The following ESCO2 variants were observed in gnomAD, a reference collection of about 807,000 sequenced individuals.
The protein encoded by ESCO2 is N-acetyltransferase ESCO2.
ESCO2 carries 51 observed loss-of-function variants against 61.7 expected under a neutral mutation model. The ratio of observed to expected loss-of-function variants is 0.83; its 90% CI spans 0.66 to 1.04. The LOEUF (loss-of-function observed/expected upper bound fraction) is 1.04, where lower values mean the gene tolerates loss of function less well. Among genes scored for constraint, ESCO2 ranks in the 50% least tolerant of loss-of-function variants. The pLI is 0.00. For synonymous variants in ESCO2, 230 were observed against 238.2 expected (o/e 0.97, Z 0.32); for missense variants, 692 against 686.2 (o/e 1.01, Z -0.09).
intron 9 of ESCO2, among the ~76,000 whole-genome samples, chr8:27,795,531 G>T (rs1037577477): frequency 6.6e-6 from 1 of 152,092 alleles, no homozygotes; most frequent in African/African-American, 2.4e-5. Context: ...CTCTGGCGAG[G>T]AATTCCAGAA....
At chr8:27,791,924 C>G (rs773369439) in intron 7 of ESCO2, 39 bp from the exon 8 acceptor site, 2 of 1,572,114 alleles carry the variant, frequency 1.3e-6, no homozygotes. Flanking sequence ...TTTTCCTCTT[C>G]ACAAATTAAA....
chr8:27,812,075 T>A (rs573601609), downstream of ESCO2: 5 of 152,304 alleles, frequency 3.3e-5, no homozygotes, highest in South Asian at 2.1e-4. Context: ...CTCCATTTTC[T>A]TGCCTTATTT....
At chr8:27,778,989 C>CA (rs1447592000) in intron 3 of ESCO2, 1 of 152,386 alleles carries the variant, frequency 6.6e-6, no homozygotes, top group Non-Finnish European at 1.5e-5. Flanking sequence ...GATCTCAACT[C>CA]ACTGCAACCT....
intron 5 of ESCO2, among the ~76,000 whole-genome samples, chr8:27,784,474 C>A (rs994867307): frequency 1.3e-5 from 2 of 152,126 alleles, no homozygotes; most frequent in African/African-American, 4.8e-5. Context: ...CATATCTGAA[C>A]CAAATGCCCA....
Position 27,776,911 on chromosome 8 carries a change from A to C in ESCO2, c.603A>C (p.Pro201=). The C allele has an allele frequency of 1.2e-6, 2 of 1,614,204 alleles. No homozygotes were observed. The highest frequency in any genetic ancestry group is 1.7e-6 in the Non-Finnish European group (2 of 1,180,032). Residue 201 remains proline, a synonymous_variant, in exon 3 of 11, where the codon CCA becomes CCC. Coordinates refer to ENST00000305188, the MANE Select transcript of ESCO2 (RefSeq NM_001017420.3). ...APRVLSQKIK[P]QVTLQGGAAF... The stretch of plus-strand genomic sequence containing the variant: ...GGGTTCTGAGCCAAAAAATAAAACC[A>C]CAAGTTACACTCCAGGGTGGAGCAG...
intron 7 of ESCO2, among the ~76,000 whole-genome samples, chr8:27,791,076 G>A (rs930732332): frequency 6.6e-6 from 1 of 151,904 alleles, no homozygotes; most frequent in Non-Finnish European, 1.5e-5. Context: ...TCAAACTAAT[G>A]CCATTTTCTC....
Position 27,804,537 on chromosome 8 carries a change from T to C in ESCO2, c.*1099T>C. 1 of 985,442 alleles carries C rather than the reference T, an allele frequency of 1.0e-6. No individual in the cohort carries two copies. The highest frequency in any genetic ancestry group is 1.2e-6 in the Non-Finnish European group (1 of 829,918). 61.0% of individuals were successfully genotyped at this position (985,442 alleles called of 1,614,324 possible). On this transcript the variant is annotated 3_prime_UTR_variant, in exon 11 of 11. Transcript: ENST00000305188. ...AAATACACTTAAATGTTCACACATT[T>C]TTCTAGTGTAATTCTTGGATACTTT...
downstream of ESCO2, among the ~76,000 whole-genome samples, chr8:27,807,460 C>T (rs982883630): frequency 6.6e-6 from 1 of 152,030 alleles, no homozygotes; most frequent in African/African-American, 2.4e-5. Context: ...TAAACCAAAC[C>T]CAATTTGGTC....
At position 27,803,789 on chromosome 8, in the gene ESCO2, C is replaced by G; in HGVS notation, c.*351C>G. Reference sequence around the variant, plus strand: ...TTTTTCTCTAGAAATGTGACCTGGTCTTTTATAAAGCCCACTCTTAGACCA... The same window carrying G: ...TTTTTCTCTAGAAATGTGACCTGGTGTTTTATAAAGCCCACTCTTAGACCA... On this transcript the variant is annotated 3_prime_UTR_variant, in exon 11 of 11. Coordinates refer to ENST00000305188, the MANE Select transcript of ESCO2 (RefSeq NM_001017420.3). 9.7e-7 allele frequency: 1 copy of G among 1,034,858 alleles called. No individual in the cohort carries two copies. The highest frequency in any genetic ancestry group is 1.2e-6 in the Non-Finnish European group (1 of 862,194). 64.1% of individuals were successfully genotyped at this position (1,034,858 alleles called of 1,614,324 possible).
chr8:27,817,086 G>A (rs916094365), downstream of ESCO2, among the ~76,000 whole-genome samples: 3 of 152,150 alleles, frequency 2.0e-5, no homozygotes, highest in African/African-American at 7.2e-5. Context: ...TATGCCTGGT[G>A]TAGTAGCTTT....
intron 10 of ESCO2, 30 bp downstream of exon 10, chr8:27,799,746 A>C: frequency 6.2e-7 from 1 of 1,611,782 alleles, no homozygotes; most frequent in Non-Finnish European, 8.5e-7. Context: ...TAGATCCAGA[A>C]CCTTAGATTC....
chr8:27,810,082 A>T, downstream of ESCO2: 2 of 506,066 alleles, frequency 4.0e-6, no homozygotes, highest in Non-Finnish European at 6.9e-6. Flanking sequence ...CAAAGTACTT[A>T]TGTAGCTAGT....
upstream of ESCO2, among the ~76,000 whole-genome samples, chr8:27,773,046 A>G (rs886167086): frequency 6.6e-6 from 1 of 152,158 alleles, no homozygotes; most frequent in Non-Finnish European, 1.5e-5. Context: ...TAAAGTAGGA[A>G]TAATCATATT....
chr8:27,804,562 T>A lies in ESCO2; in HGVS notation c.*1124T>A. 5 of 985,450 alleles carry A rather than the reference T, an allele frequency of 5.1e-6. No individual in the cohort carries two copies. Among genetic ancestry groups the A allele is most frequent in the Non-Finnish European group, 6.0e-6 (5 of 829,920 alleles). 61.0% of individuals were successfully genotyped at this position (985,450 alleles called of 1,614,324 possible). On this transcript the variant is annotated 3_prime_UTR_variant, in exon 11 of 11. Transcript: ENST00000305188. ...TTTCTAGTGTAATTCTTGGATACTTTAAAAAGCAAAACATTGTTCAAATTG... is the reference window on the plus strand; with the variant it reads ...TTTCTAGTGTAATTCTTGGATACTTAAAAAAGCAAAACATTGTTCAAATTG...
At position 27,792,011 on chromosome 8, in the gene ESCO2, G is replaced by A. The variant is rs556131901; in HGVS notation, c.1312G>A (p.Val438Met). ...VVAEFWDGKI[V>M]LVLPHDPSFA... ...AGCAGAGTTTTGGGATGGGAAAATC[G>A]TGTTGGTTCTGCCACATGATCCAAG... Residue 438 changes from valine (V) to methionine (M), a missense_variant, in exon 8 of 11, where the codon GTG becomes ATG. Transcript: ENST00000305188. The A allele has an allele frequency of 1.1e-5, 18 of 1,614,008 alleles. No individual in the cohort carries two copies. The highest frequency in any genetic ancestry group is 1.0e-4 in the Admixed American group (6 of 60,012).
At chr8:27,801,190 C>T (rs1047695292) in intron 10 of ESCO2, among the ~76,000 whole-genome samples, 1 of 152,160 alleles carries the variant, frequency 6.6e-6, no homozygotes, top group East Asian at 1.9e-4. Flanking sequence ...TTTCCAATGT[C>T]ACAAACAAGC....
chr8:27,798,016 T>C (rs1805340486), intron 9 of ESCO2, among the ~76,000 whole-genome samples: 2 of 152,136 alleles, frequency 1.3e-5, no homozygotes, highest in Admixed American at 6.5e-5. Context: ...AAAAACTAAA[T>C]ACACACCTGT....
chr8:27,802,439 A>T (rs549930294), intron 10 of ESCO2, among the ~76,000 whole-genome samples: 9 of 149,722 alleles, frequency 6.0e-5, no homozygotes, highest in Admixed American at 2.7e-4. Context: ...CTACTAAAAA[A>T]AAATAAATAA....
the ESCO2 span, among the ~76,000 whole-genome samples, chr8:27,817,733 T>A: frequency 0.16 from 23,902 of 151,964 alleles, 2,383 homozygotes; most frequent in East Asian, 0.37. Context: ...TTTTTAAAGG[T>A]TTTTCTTATT....
Sources: allele counts gnomAD v4.1 joint callset (sites outside exome capture counted in the v4.1 genomes callset), GRCh38; gene constraint gnomAD v4.1.1; transcripts MANE v1.5; gene names NCBI Gene and HGNC (gene_info 2026-07-23, HGNC 2026-07-21).